LRP1B: variants seen among roughly 807,000 people sequenced by gnomAD.
The protein encoded by LRP1B is low-density lipoprotein receptor-related protein 1B.
Under a neutral mutation model 556.6 loss-of-function variants are expected in LRP1B, and 217 were observed. The observed-to-expected ratio is 0.39, with a 90% CI of 0.35 to 0.44. The LOEUF (loss-of-function observed/expected upper bound fraction) is 0.44. Among genes scored for constraint, LRP1B ranks in the 20% least tolerant of loss-of-function variants. The probability of loss-of-function intolerance (pLI) is 1.00; values close to 1 mark genes in which losing one functional copy is unlikely to be tolerated. For missense variants in LRP1B, 5,053 were observed against 5,620.8 expected, an observed-to-expected ratio of 0.90 and a Z score of 3.23; for synonymous variants, 2,047 against 1,865.8, an observed-to-expected ratio of 1.10 and a Z score of -2.50.
chr2:141,475,133 G>A (rs1682649113), intron 3 of LRP1B, among the ~76,000 whole-genome samples: 2 of 152,102 alleles, frequency 1.3e-5, no homozygotes, highest in African/African-American at 4.8e-5. Flanking sequence ...AAGCACTGTG[G>A]GAGGCAACGC....
In LRP1B at chr2:141,894,632, T is replaced by C. The variant is rs543355693; in HGVS notation, c.83-84231A>G. On this transcript the variant is annotated intron_variant, in intron 1 of 90. Transcript: ENST00000389484. The stretch of plus-strand genomic sequence containing the variant: ...CAACAAGAGGATATTCTAAATAGAA[T>C]ATTTAGATCTAGATCTAGATCTAGA... Among the ~76,000 whole-genome samples the C allele has an allele frequency of 7.0e-3, 934 of 132,952 alleles. 18 individuals carry two copies. The highest frequency in any genetic ancestry group is 0.025 in the African/African-American group (898 of 35,728). The allele number at this position is 132,952 out of a possible 152,430, so 87.2% of individuals were successfully genotyped here.
At chr2:142,055,660 A>G (rs181828637) in intron 1 of LRP1B, among the ~76,000 whole-genome samples, 307 of 152,256 alleles carry the variant, frequency 2.0e-3, no homozygotes, top group African/African-American at 7.1e-3. Flanking sequence ...ATTTGTTACC[A>G]TTCTCCAACT....
intron 1 of LRP1B, among the ~76,000 whole-genome samples, chr2:141,876,563 C>A (rs1335352099): frequency 6.6e-6 from 1 of 151,870 alleles, no homozygotes; most frequent in African/African-American, 2.4e-5. Flanking sequence ...AAGTTCAGTT[C>A]AAAAATTCTA....
intron 2 of LRP1B, among the ~76,000 whole-genome samples, chr2:141,549,136 A>G (rs1685658871): frequency 6.6e-6 from 1 of 152,202 alleles, no homozygotes; most frequent in African/African-American, 2.4e-5. Context: ...GGTTAAGAGC[A>G]CAAATTTTGG....
chr2:142,059,634 T>C (rs1202068589), intron 1 of LRP1B, among the ~76,000 whole-genome samples: 1 of 152,082 alleles, frequency 6.6e-6, no homozygotes, highest in Non-Finnish European at 1.5e-5. Context: ...GAAAAGATAT[T>C]ATCAAATTAT....
At chr2:141,141,982 C>A (rs1323521072) in intron 7 of LRP1B, among the ~76,000 whole-genome samples, 5 of 149,094 alleles carry the variant, frequency 3.4e-5, no homozygotes, top group Non-Finnish European at 5.9e-5. Flanking sequence ...TTGTGGGCCA[C>A]AATACAAAAC....
At chr2:141,229,484 A>C (rs957056298) in intron 5 of LRP1B, 44 bp from the exon 6 acceptor site, 3 of 1,376,524 alleles carry the variant, frequency 2.2e-6, no homozygotes, top group African/African-American at 1.5e-5. Context: ...GTAAGAGTCA[A>C]GATTATTTTA....
chr2:140,516,320 A>G (rs7597449), intron 50 of LRP1B, among the ~76,000 whole-genome samples: 149,969 of 152,148 alleles, frequency 0.99, 73,946 homozygotes, highest in Middle Eastern at 1. Context: ...ACAATACAAT[A>G]AAACAATAAT....
intron 32 of LRP1B, among the ~76,000 whole-genome samples, chr2:140,802,083 AG>A (rs1341231718): frequency 6.6e-6 from 1 of 152,202 alleles, no homozygotes; most frequent in Non-Finnish European, 1.5e-5. Context: ...GAACCGCTAT[AG>A]AAAAAAAATA....
At chr2:140,510,178 A>G in intron 51 of LRP1B, 122 bp from the exon 52 acceptor site, 2 of 944,486 alleles carry the variant, frequency 2.1e-6, no homozygotes, top group South Asian at 3.4e-5. Flanking sequence ...AGGCGATTGT[A>G]GTTATTGGGA....
Position 140,725,289 on chromosome 2 carries a change from C to T in LRP1B, c.5759-8473G>A, listed in dbSNP as rs184869530. Among the ~76,000 whole-genome samples the T allele has an allele frequency of 1.6e-4, 25 of 151,880 alleles. No individual in the cohort carries two copies. The East Asian group carries it at 3.9e-3, about 24-fold the overall frequency. On this transcript the variant is annotated intron_variant, in intron 35 of 90. Coordinates refer to ENST00000389484, the MANE Select transcript of LRP1B (RefSeq NM_018557.3). ...ATGTTTCTTGACACAATATTTTATT[C>T]CTGTTCTGTGCCATTTCAATCCAGA...
intron 2 of LRP1B, among the ~76,000 whole-genome samples, chr2:141,617,596 G>A (rs1688355226): frequency 6.6e-6 from 1 of 151,998 alleles, no homozygotes; most frequent in Admixed American, 6.6e-5. Flanking sequence ...TAAGATTGTG[G>A]TAAGAGAATA....
chr2:141,792,017 T>C (rs1695631269), intron 2 of LRP1B, among the ~76,000 whole-genome samples: 1 of 148,980 alleles, frequency 6.7e-6, no homozygotes, highest in Non-Finnish European at 1.5e-5. Flanking sequence ...CAGTTTTTCA[T>C]AATAATTAAT....
At chr2:140,838,606 G>GA (rs1573787201) in intron 31 of LRP1B, among the ~76,000 whole-genome samples, 1 of 151,780 alleles carries the variant, frequency 6.6e-6, no homozygotes, top group East Asian at 1.9e-4. Flanking sequence ...CTAAAACTAA[G>GA]AAAAAATCGA....
chr2:141,163,021 A>G (rs1368616983), intron 7 of LRP1B, among the ~76,000 whole-genome samples: 2 of 152,144 alleles, frequency 1.3e-5, no homozygotes, highest in African/African-American at 4.8e-5. Flanking sequence ...TCGTCAATCC[A>G]CAGATACATC....
intron 7 of LRP1B, among the ~76,000 whole-genome samples, chr2:141,063,864 G>A (rs1422395997): frequency 1.3e-5 from 2 of 151,870 alleles, no homozygotes; most frequent in African/African-American, 4.8e-5. Flanking sequence ...TTGGTGTGCA[G>A]GTGGTTTGAC....
At chr2:140,682,584 AT>A (rs1299930189) in intron 41 of LRP1B, among the ~76,000 whole-genome samples, 2 of 152,188 alleles carry the variant, frequency 1.3e-5, no homozygotes, top group African/African-American at 2.4e-5. Flanking sequence ...GAATAAAAAA[AT>A]AAAAGAAAAA....
intron 2 of LRP1B, among the ~76,000 whole-genome samples, chr2:141,508,100 AG>A (rs746180841): frequency 0.027 from 4,033 of 150,686 alleles, 184 homozygotes; most frequent in African/African-American, 0.09. Flanking sequence ...CCAAAAAAAA[AG>A]AAAGAAAAGA....
intron 35 of LRP1B, among the ~76,000 whole-genome samples, chr2:140,749,858 C>T (rs899763313): frequency 3.3e-5 from 5 of 152,124 alleles, no homozygotes; most frequent in Admixed American, 3.3e-4. Flanking sequence ...ATTTTATGTG[C>T]TATACTTTCA....
Sources: gnomAD v4.1 joint callset for allele counts (sites outside exome capture counted in the v4.1 genomes callset) on GRCh38, gnomAD v4.1.1 for gene constraint, MANE v1.5 for transcripts, NCBI Gene and HGNC (gene_info 2026-07-23, HGNC 2026-07-21) for gene names.